The following PTPRD variants were observed in gnomAD, a reference collection of about 807,000 sequenced individuals.
The protein encoded by PTPRD is protein tyrosine phosphatase receptor type D.
A neutral mutation model predicts 214.5 loss-of-function variants in PTPRD; 34 were observed. That is an observed-to-expected ratio of 0.16 (90% CI 0.12 to 0.21). The LOEUF (loss-of-function observed/expected upper bound fraction) is 0.21, where lower values mean the gene tolerates loss of function less well. Among genes scored for constraint, PTPRD ranks in the 10% least tolerant of loss-of-function variants. The pLI, the probability that PTPRD is intolerant of heterozygous loss-of-function variation, is 1.00. For synonymous variants in PTPRD, 1,128 were observed against 845.7 expected (o/e 1.33, Z -5.79); for missense variants, 2,545 against 2,398.7 (o/e 1.06, Z -1.27).
intron 6 of PTPRD, among the ~76,000 whole-genome samples, chr9:9,752,994 C>T (rs1472389630): frequency 6.6e-6 from 1 of 152,066 alleles, no homozygotes; most frequent in Non-Finnish European, 1.5e-5. Flanking sequence ...TAACAACTAA[C>T]CCCACTTAAA....
chr9:9,145,149 T>C (rs1291644196), intron 10 of PTPRD, among the ~76,000 whole-genome samples: 2 of 152,232 alleles, frequency 1.3e-5, no homozygotes, highest in Non-Finnish European at 2.9e-5. Context: ...AATCTAAGTA[T>C]GTGTTGCTAG....
intron 3 of PTPRD, among the ~76,000 whole-genome samples, chr9:10,201,543 G>A (rs932513576): frequency 6.6e-6 from 1 of 151,980 alleles, no homozygotes; most frequent in Admixed American, 6.6e-5. Flanking sequence ...TCTTTTTAAA[G>A]GCTGAATAAT....
At chr9:9,368,338 A>AT (rs1418848846) in intron 9 of PTPRD, among the ~76,000 whole-genome samples, 2 of 151,840 alleles carry the variant, frequency 1.3e-5, no homozygotes, top group African/African-American at 4.8e-5. Context: ...ATATACTAGC[A>AT]TAAATCGGGC....
At chr9:10,190,379 A>C (rs1187402378) in intron 3 of PTPRD, among the ~76,000 whole-genome samples, 1 of 99,156 alleles carries the variant, frequency 1.0e-5, no homozygotes, top group Non-Finnish European at 1.9e-5. Flanking sequence ...CAGAGACTCT[A>C]TCTCCAGAAA....
chr9:9,632,219 A>G (rs34439454), intron 7 of PTPRD, among the ~76,000 whole-genome samples: 26,513 of 152,172 alleles, frequency 0.17, 2,613 homozygotes, highest in African/African-American at 0.26. Context: ...ACAACCATCA[A>G]AAGTGATAAA....
chr9:10,255,893 C>G (rs1595480887), intron 3 of PTPRD, among the ~76,000 whole-genome samples: 1 of 152,104 alleles, frequency 6.6e-6, no homozygotes, highest in African/African-American at 2.4e-5. Flanking sequence ...TCATAACCCC[C>G]AGGCCCGGAC....
chr9:9,619,437 T>G (rs1431804294), intron 7 of PTPRD, among the ~76,000 whole-genome samples: 1 of 149,908 alleles, frequency 6.7e-6, no homozygotes, highest in Non-Finnish European at 1.5e-5. Context: ...ATTTAATATA[T>G]ATCTATATAA....
intron 18 of PTPRD, among the ~76,000 whole-genome samples, chr9:8,524,115 C>T (rs192468369): frequency 4.6e-5 from 7 of 151,820 alleles, no homozygotes; most frequent in Admixed American, 1.3e-4. Flanking sequence ...TGAGAACTCT[C>T]GGGAAGAGGA....
chr9:8,459,265 C>A (rs1445997129), intron 33 of PTPRD, among the ~76,000 whole-genome samples: 1 of 151,950 alleles, frequency 6.6e-6, no homozygotes, highest in Non-Finnish European at 1.5e-5. Context: ...AATGAAGATA[C>A]TCTTTTTAGA....
intron 7 of PTPRD, among the ~76,000 whole-genome samples, chr9:9,665,517 T>A (rs560647654): frequency 6.6e-6 from 1 of 151,744 alleles, no homozygotes; most frequent in Non-Finnish European, 1.5e-5. Context: ...ATATGTGAGA[T>A]CCTAATTATT....
intron 11 of PTPRD, among the ~76,000 whole-genome samples, chr9:8,956,204 A>AT (rs933910058): frequency 1.3e-5 from 2 of 151,776 alleles, no homozygotes; most frequent in Non-Finnish European, 2.9e-5. Flanking sequence ...GATTAGAAAT[A>AT]TTTTTCTTGA....
At chr9:8,968,589 T>C (rs973450529) in intron 11 of PTPRD, among the ~76,000 whole-genome samples, 1 of 152,234 alleles carries the variant, frequency 6.6e-6, no homozygotes, top group African/African-American at 2.4e-5. Context: ...CTTACCATAA[T>C]CTTATTGGGT....
intron 10 of PTPRD, among the ~76,000 whole-genome samples, chr9:9,073,804 C>G (rs1420850724): frequency 4.7e-5 from 7 of 150,180 alleles, no homozygotes; most frequent in African/African-American, 9.8e-5. Context: ...AATACATATG[C>G]CAGCTGAACT....
At chr9:10,203,144 T>A (rs888555287) in intron 3 of PTPRD, among the ~76,000 whole-genome samples, 2 of 151,626 alleles carry the variant, frequency 1.3e-5, no homozygotes, top group African/African-American at 4.8e-5. Context: ...AATCAGTTCC[T>A]GTTTACTGTC....
Position 9,364,248 on chromosome 9 carries a change from G to C in PTPRD, c.-203+33201C>G, listed in dbSNP as rs3847296. Among the ~76,000 whole-genome samples, 22 of 151,450 alleles carry C rather than the reference G, an allele frequency of 1.5e-4. No individual in the cohort carries two copies. In the South Asian group the frequency reaches 4.1e-3, roughly 29 times the overall value. On this transcript the variant is annotated intron_variant, in intron 9 of 45. Coordinates refer to ENST00000381196, the MANE Select transcript of PTPRD (RefSeq NM_002839.4). ...ATATGCACATAAAGTCTGTGTAGAA[G>C]TATTCACTCAGAATTCATATACAGG...
chr9:10,595,644 AATT>A (rs1044922760), intron 2 of PTPRD, among the ~76,000 whole-genome samples: 2 of 151,368 alleles, frequency 1.3e-5, no homozygotes, highest in Non-Finnish European at 3.0e-5. Context: ...ATTGATTCAC[AATT>A]ATTATTATAT....
chr9:8,642,619 T>A (rs549557178), intron 12 of PTPRD, among the ~76,000 whole-genome samples: 3 of 151,942 alleles, frequency 2.0e-5, no homozygotes, highest in African/African-American at 7.3e-5. Context: ...AACAGGGCCT[T>A]TGGGGTCTGG....
At chr9:9,879,192 C>T (rs569711503) in intron 5 of PTPRD, among the ~76,000 whole-genome samples, 1 of 152,276 alleles carries the variant, frequency 6.6e-6, no homozygotes, top group African/African-American at 2.4e-5. Context: ...AGTATTTGCC[C>T]TTTTTTCTTT....
At chr9:10,172,151 T>G (rs1336502837) in intron 3 of PTPRD, among the ~76,000 whole-genome samples, 1 of 152,162 alleles carries the variant, frequency 6.6e-6, no homozygotes, top group African/African-American at 2.4e-5. Context: ...ACTGAAAAAG[T>G]TACTTGGTTC....
Sources: allele counts gnomAD v4.1 joint callset (sites outside exome capture counted in the v4.1 genomes callset), GRCh38; gene constraint gnomAD v4.1.1; transcripts MANE v1.5; gene names NCBI Gene and HGNC (gene_info 2026-07-23, HGNC 2026-07-21).